ABCA13: variants seen among roughly 807,000 people sequenced by gnomAD.
ABCA13 encodes ATP-binding cassette sub-family A member 13.
A neutral mutation model predicts 478.7 loss-of-function variants in ABCA13; 476 were observed. The ratio of observed to expected loss-of-function variants is 0.99; its 90% CI spans 0.92 to 1.07. The LOEUF is 1.07. Ranked by LOEUF, ABCA13 falls within the 50% of genes least tolerant of loss-of-function variation. The pLI, the probability that ABCA13 is intolerant of heterozygous loss-of-function variation, is 0.00. For missense variants in ABCA13, 6,060 were observed against 5,910.6 expected (o/e 1.03, Z -0.83); for synonymous variants, 2,252 against 2,158.9 (o/e 1.04, Z -1.20).
chr7:48,385,164 A>T (rs1011200113), intron 35 of ABCA13, among the ~76,000 whole-genome samples: 5 of 152,182 alleles, frequency 3.3e-5, no homozygotes, highest in African/African-American at 1.2e-4. Flanking sequence ...TTTTAAGTGC[A>T]GGGGTACATG....
Position 48,588,932 on chromosome 7 carries a change from T to G in ABCA13, c.14640+1644T>G, listed in dbSNP as rs187961765. Among the ~76,000 whole-genome samples, 33 of 152,308 alleles carry G rather than the reference T, an allele frequency of 2.2e-4. No homozygotes were observed. In the East Asian group the frequency reaches 4.6e-3, roughly 21 times the overall value. ...TAATGAGCATTGCATGATCACACCT[T>G]TTATTTACTTATTTTTATAACTAAT... is the stretch of plus-strand genomic sequence containing the variant. On this transcript the variant is annotated intron_variant, in intron 57 of 61. Transcript: ENST00000435803.
intron 27 of ABCA13, among the ~76,000 whole-genome samples, chr7:48,334,292 T>C (rs1382767790): frequency 1.3e-5 from 2 of 152,172 alleles, no homozygotes; most frequent in Non-Finnish European, 2.9e-5. Flanking sequence ...TGCCAAGGTA[T>C]TGGAATACTA....
chr7:48,326,395 T>A (rs946562207), intron 27 of ABCA13, among the ~76,000 whole-genome samples: 1 of 152,246 alleles, frequency 6.6e-6, no homozygotes, highest in Non-Finnish European at 1.5e-5. Flanking sequence ...TTGGTTTCTT[T>A]GTTTTAGACT....
At chr7:48,496,757 G>C (rs1464131288) in intron 48 of ABCA13, among the ~76,000 whole-genome samples, 5 of 152,036 alleles carry the variant, frequency 3.3e-5, no homozygotes, top group African/African-American at 1.2e-4. Flanking sequence ...TGAAAAATGT[G>C]CTACTTCCTT....
At chr7:48,214,355 A>G (rs923373061) in intron 3 of ABCA13, among the ~76,000 whole-genome samples, 3 of 152,136 alleles carry the variant, frequency 2.0e-5, no homozygotes, top group African/African-American at 7.2e-5. Context: ...GGGCCCTAGG[A>G]TTTTTGGAAT....
At chr7:48,403,950 C>T (rs1032467906) in intron 39 of ABCA13, 71 bp downstream of exon 39, 9 of 1,514,144 alleles carry the variant, frequency 5.9e-6, no homozygotes, top group Admixed American at 1.9e-5. Context: ...TGCTACTGTA[C>T]AGTAGAATCA....
intron 15 of ABCA13, among the ~76,000 whole-genome samples, chr7:48,258,561 G>GT (rs1021405347): frequency 1.3e-5 from 2 of 151,768 alleles, no homozygotes; most frequent in African/African-American, 4.8e-5. Context: ...TCTTTTGTAT[G>GT]TTTTTTTGTG....
intron 55 of ABCA13, among the ~76,000 whole-genome samples, chr7:48,535,425 G>T (rs1328036072): frequency 6.6e-6 from 1 of 152,230 alleles, no homozygotes; most frequent in African/African-American, 2.4e-5. Context: ...GGGGAATGAA[G>T]TGGACTCTGA....
intron 1 of ABCA13, among the ~76,000 whole-genome samples, chr7:48,178,219 A>C (rs1178817845): frequency 1.3e-5 from 2 of 152,188 alleles, no homozygotes; most frequent in Admixed American, 1.3e-4. Context: ...TTAAATAGAC[A>C]ACCAAATATA....
intron 8 of ABCA13, 200 bp downstream of exon 8, chr7:48,234,351 T>A: frequency 1.5e-6 from 1 of 655,170 alleles, no homozygotes; most frequent in East Asian, 3.0e-5. Context: ...TCTTACCATG[T>A]AGTTTTATCC....
At chr7:48,628,658 AT>A (rs928597258) in intron 59 of ABCA13, among the ~76,000 whole-genome samples, 1 of 152,192 alleles carries the variant, frequency 6.6e-6, no homozygotes, top group African/African-American at 2.4e-5. Flanking sequence ...CTTAGAGGTT[AT>A]TGTCTATCTC....
chr7:48,371,696 G>A (rs1376946287), intron 32 of ABCA13, among the ~76,000 whole-genome samples: 3 of 152,112 alleles, frequency 2.0e-5, no homozygotes, highest in Non-Finnish European at 4.4e-5. Context: ...GGGCTGAGAC[G>A]ATGGGGTTTT....
At chr7:48,220,574 T>C (rs945162511) in intron 4 of ABCA13, among the ~76,000 whole-genome samples, 1 of 152,146 alleles carries the variant, frequency 6.6e-6, no homozygotes, top group African/African-American at 2.4e-5. Flanking sequence ...GTGGTATTTT[T>C]AAGAGACAAA....
intron 51 of ABCA13, among the ~76,000 whole-genome samples, chr7:48,514,576 T>C (rs1831969178): frequency 6.6e-6 from 1 of 152,208 alleles, no homozygotes; most frequent in African/African-American, 2.4e-5. Flanking sequence ...TACTACTGCT[T>C]ATATTTCTGT....
At chr7:48,230,079 TATGA>T in intron 7 of ABCA13, 124 bp downstream of exon 7, 1 of 1,242,418 alleles carries the variant, frequency 8.0e-7, no homozygotes. Context: ...TTCAAAAAAG[TATGA>T]ATTGTTTCTG....
intron 55 of ABCA13, among the ~76,000 whole-genome samples, chr7:48,535,961 G>A (rs1347792210): frequency 6.6e-6 from 1 of 152,196 alleles, no homozygotes; most frequent in Non-Finnish European, 1.5e-5. Flanking sequence ...GAAAGCAAAT[G>A]GACTCATGGT....
chr7:48,524,041 T>C (rs1832730351), intron 53 of ABCA13, among the ~76,000 whole-genome samples: 1 of 152,224 alleles, frequency 6.6e-6, no homozygotes, highest in Non-Finnish European at 1.5e-5. Context: ...TAGGAATGTA[T>C]ATATTTCATT....
At chr7:48,314,169 A>G in intron 25 of ABCA13, 63 bp from the exon 26 acceptor site, 1 of 1,520,504 alleles carries the variant, frequency 6.6e-7, no homozygotes, top group East Asian at 2.3e-5. Flanking sequence ...GACTTTCAGA[A>G]GTGTGTGAAG....
intron 1 of ABCA13, among the ~76,000 whole-genome samples, chr7:48,192,758 G>C (rs774771943): frequency 6.6e-6 from 1 of 152,132 alleles, no homozygotes; most frequent in African/African-American, 2.4e-5. Flanking sequence ...AGCTGGGTCT[G>C]ATGGGAGAAG....
Sources: allele counts gnomAD v4.1 joint callset (sites outside exome capture counted in the v4.1 genomes callset), GRCh38; gene constraint gnomAD v4.1.1; transcripts MANE v1.5; gene names NCBI Gene and HGNC (gene_info 2026-07-23, HGNC 2026-07-21).